The following ZMIZ1 variants were observed in gnomAD, a reference collection of about 807,000 sequenced individuals.
ZMIZ1 encodes zinc finger MIZ domain-containing protein 1.
A neutral mutation model predicts 113.9 loss-of-function variants in ZMIZ1; 17 were observed. The observed-to-expected ratio is 0.15, with a 90% confidence interval of 0.10 to 0.22. ZMIZ1 has a LOEUF of 0.22. Among genes scored for constraint, ZMIZ1 ranks in the 10% least tolerant of loss-of-function variants. The pLI is 1.00. For synonymous variants in ZMIZ1, 607 were observed against 603.1 expected, an observed-to-expected ratio of 1.01 and a Z score of -0.09; for missense variants, 1,059 against 1,477.8, an observed-to-expected ratio of 0.72 and a Z score of 4.65.
At chr10:79,261,470 C>G (rs1422201523) in intron 7 of ZMIZ1, among the ~76,000 whole-genome samples, 1 of 152,232 alleles carries the variant, frequency 6.6e-6, no homozygotes, top group African/African-American at 2.4e-5. Flanking sequence ...ACGGCTCCCT[C>G]CCCCAGCTGC....
intron 1 of ZMIZ1, among the ~76,000 whole-genome samples, chr10:79,093,135 AACACACACACAC>A (rs5786379): frequency 2.2e-3 from 234 of 107,990 alleles, no homozygotes; most frequent in African/African-American, 7.1e-3. Context: ...CCCCACCCCC[AACACACACACAC>A]ACACACACAC....
intron 7 of ZMIZ1, among the ~76,000 whole-genome samples, chr10:79,221,411 C>T (rs898017757): frequency 6.6e-6 from 1 of 152,234 alleles, no homozygotes; most frequent in African/African-American, 2.4e-5. Flanking sequence ...CAGCCTTTAG[C>T]CTCAGAGCGC....
At chr10:79,180,601 C>G (rs905946270) in intron 4 of ZMIZ1, among the ~76,000 whole-genome samples, 1 of 152,220 alleles carries the variant, frequency 6.6e-6, no homozygotes, top group Non-Finnish European at 1.5e-5. Context: ...CCTCCGAGTC[C>G]CCCAGAGGCG....
rs1156339794 is a variant in ZMIZ1, at chr10:79,306,182, G to A, written c.2506G>A (p.Asp836Asn). 15 of 1,613,974 alleles carry A rather than the reference G, an allele frequency of 9.3e-6. No homozygotes were observed. The highest frequency in any genetic ancestry group is 5.3e-5 in the African/African-American group (4 of 74,932). ...CAAGTCGGACTTACACATCAAGGACGACCCTGATGGCATCCCCTCCAAGCG... is the reference window on the plus strand; with the variant it reads ...CAAGTCGGACTTACACATCAAGGACAACCCTGATGGCATCCCCTCCAAGCG... Reference protein sequence around the residue: ...PIKSDLHIKDDPDGIPSKRFK... With the variant: ...PIKSDLHIKDNPDGIPSKRFK... Residue 836 changes from aspartate (D) to asparagine (N), a missense_variant, in exon 22 of 25, where the codon GAC becomes AAC. Coordinates refer to ENST00000334512, the MANE Select transcript of ZMIZ1 (RefSeq NM_020338.4).
At chr10:79,267,160 G>A (rs1305977001) in intron 7 of ZMIZ1, among the ~76,000 whole-genome samples, 3 of 152,226 alleles carry the variant, frequency 2.0e-5, no homozygotes, top group African/African-American at 4.8e-5. Context: ...TGTCGGGGTG[G>A]CCCTGTGAGG....
At chr10:79,272,928 G>C (rs1169229250) in intron 7 of ZMIZ1, among the ~76,000 whole-genome samples, 2 of 152,198 alleles carry the variant, frequency 1.3e-5, no homozygotes, top group Non-Finnish European at 2.9e-5. Context: ...GAGCTGGAAG[G>C]CCCCAAGGTC....
rs546907588 is a variant in ZMIZ1 at position 79,185,935 on chromosome 10, C to T, written c.-49-15649C>T. ...AACTCTCACCTGGTTCAGGAGGTTT[C>T]GAGGCTGTCTAAGGAGTAGCGAGGA... On this transcript the variant is annotated intron_variant, in intron 4 of 24. Coordinates refer to ENST00000334512, the MANE Select transcript of ZMIZ1 (RefSeq NM_020338.4). 2.8e-4 allele frequency among the ~76,000 whole-genome samples: 43 copies of T among 152,208 alleles called. 1 individual carries two copies. Among genetic ancestry groups the T allele is most frequent in the African/African-American group, 9.6e-4 (40 of 41,524 alleles).
intron 8 of ZMIZ1, among the ~76,000 whole-genome samples, chr10:79,284,613 C>A (rs1309578348): frequency 6.6e-6 from 1 of 152,174 alleles, no homozygotes; most frequent in African/African-American, 2.4e-5. Flanking sequence ...CTACCAGGTT[C>A]TGTGCTAAAC....
At chr10:79,240,646 T>A (rs1191336191) in intron 7 of ZMIZ1, among the ~76,000 whole-genome samples, 1 of 137,730 alleles carries the variant, frequency 7.3e-6, no homozygotes, top group East Asian at 2.2e-4. Context: ...ATCTTTTTTT[T>A]TTTTTTTTTT....
chr10:79,293,693 A>T, intron 12 of ZMIZ1, 40 bp downstream of exon 12: 1 of 1,612,878 alleles, frequency 6.2e-7, no homozygotes, highest in East Asian at 2.2e-5. Context: ...GGGAACTGGG[A>T]CACCTGGGCT....
intron 1 of ZMIZ1, among the ~76,000 whole-genome samples, chr10:79,109,398 G>A (rs1467901024): frequency 6.6e-6 from 1 of 152,202 alleles, no homozygotes; most frequent in Admixed American, 6.5e-5. Flanking sequence ...GGCTGCCCCC[G>A]CCTGATCATT....
intron 5 of ZMIZ1, among the ~76,000 whole-genome samples, chr10:79,204,565 G>A (rs1161670842): frequency 1.3e-5 from 2 of 152,184 alleles, no homozygotes; most frequent in African/African-American, 2.4e-5. Context: ...GGAGCTATGG[G>A]CCCTGTAGGA....
At chr10:79,290,327 C>T (rs12264920) in intron 9 of ZMIZ1, among the ~76,000 whole-genome samples, 5,617 of 152,258 alleles carry the variant, frequency 0.037, 231 homozygotes, top group African/African-American at 0.1. Flanking sequence ...GACCCACCTC[C>T]CTCTCATTCC....
rs1328754874 is a variant in ZMIZ1, at chr10:79,242,565, C to T, written c.280+26291C>T. Among the ~76,000 whole-genome samples the T allele has an allele frequency of 2.7e-5, 4 of 149,172 alleles. No homozygotes were observed. In the East Asian group the frequency reaches 7.8e-4, roughly 29 times the overall value. On this transcript the variant is annotated intron_variant, in intron 7 of 24. Coordinates refer to ENST00000334512, the MANE Select transcript of ZMIZ1 (RefSeq NM_020338.4). ...CCCTCCCCTCCCCTCCCCTCCCCTC[C>T]CCCCGGCCGAGGCCCCCTCCAGTTC...
intron 7 of ZMIZ1, among the ~76,000 whole-genome samples, chr10:79,245,717 G>A (rs200459099): frequency 1.3e-5 from 2 of 152,238 alleles, no homozygotes; most frequent in East Asian, 1.9e-4. Flanking sequence ...GCCCCAGGGA[G>A]TAAGGAGTGA....
Position 79,270,971 on chromosome 10 carries a change from G to A in ZMIZ1, c.281-6210G>A, listed in dbSNP as rs189924671. On this transcript the variant is annotated intron_variant, in intron 7 of 24. Transcript: ENST00000334512. Reference sequence around the variant, plus strand: ...ATGCCTTCCCTCCAGGGCCACCGGCGCCTTGCCACCAGCTGAAGCAGAGGC... The same window carrying A: ...ATGCCTTCCCTCCAGGGCCACCGGCACCTTGCCACCAGCTGAAGCAGAGGC... Among the ~76,000 whole-genome samples the A allele has an allele frequency of 5.0e-4, 76 of 152,272 alleles. 1 individual carries two copies. Among genetic ancestry groups the A allele is most frequent in the African/African-American group, 1.7e-3 (70 of 41,536 alleles).
At chr10:79,217,087 A>G (rs1416602766) in intron 7 of ZMIZ1, among the ~76,000 whole-genome samples, 1 of 152,234 alleles carries the variant, frequency 6.6e-6, no homozygotes, top group African/African-American at 2.4e-5. Flanking sequence ...CAGGAATGGT[A>G]AGGAGACTCC....
At chr10:79,094,028 C>T (rs368395153) in intron 1 of ZMIZ1, among the ~76,000 whole-genome samples, 2 of 152,340 alleles carry the variant, frequency 1.3e-5, no homozygotes, top group African/African-American at 2.4e-5. Flanking sequence ...AATAAACAGT[C>T]GACCGAGGGC....
intron 7 of ZMIZ1, among the ~76,000 whole-genome samples, chr10:79,242,356 A>G (rs973036770): frequency 2.0e-5 from 3 of 151,900 alleles, no homozygotes; most frequent in Non-Finnish European, 4.4e-5. Context: ...AACTCCCCGA[A>G]GTCGGGGAGC....
Sources: allele counts gnomAD v4.1 joint callset (sites outside exome capture counted in the v4.1 genomes callset), GRCh38; gene constraint gnomAD v4.1.1; transcripts MANE v1.5; gene names NCBI Gene and HGNC (gene_info 2026-07-23, HGNC 2026-07-21).